The following SUMF1 variants were observed in gnomAD, a reference collection of about 807,000 sequenced individuals.
SUMF1 encodes the protein sulfatase modifying factor 1.
A neutral mutation model predicts 47.6 loss-of-function variants in SUMF1; 48 were observed. The observed-to-expected ratio is 1.01, with a 90% CI of 0.80 to 1.28. The LOEUF is 1.28. Among genes scored for constraint, SUMF1 ranks in the 50% most tolerant of loss-of-function variants. The pLI, the probability that SUMF1 is intolerant of heterozygous loss-of-function variation, is 0.00. For missense variants in SUMF1, 571 were observed against 485.4 expected (o/e 1.18, Z -1.66); for synonymous variants, 230 against 192.1 (o/e 1.20, Z -1.63).
chr3:4,266,893 C>G (rs1352428123), intron 8 of SUMF1, among the ~76,000 whole-genome samples: 7 of 148,926 alleles, frequency 4.7e-5, no homozygotes, highest in Admixed American at 4.7e-4. Context: ...TTTTGAGATA[C>G]GTCCCATCAA....
At chr3:4,231,391 ATAATAC>A (rs1485195118) in intron 8 of SUMF1, among the ~76,000 whole-genome samples, 1 of 152,158 alleles carries the variant, frequency 6.6e-6, no homozygotes, top group Non-Finnish European at 1.5e-5. Flanking sequence ...CCTGCAGAAG[ATAATAC>A]AGAGAACTTT....
At chr3:4,374,478 G>C (rs1040472086) in intron 8 of SUMF1, among the ~76,000 whole-genome samples, 1 of 152,172 alleles carries the variant, frequency 6.6e-6, no homozygotes, top group African/African-American at 2.4e-5. Flanking sequence ...TATAAAACAT[G>C]AAAGTAGATA....
chr3:4,450,597 T>G (rs748454120), intron 2 of SUMF1, among the ~76,000 whole-genome samples: 35 of 152,270 alleles, frequency 2.3e-4, no homozygotes, highest in Non-Finnish European at 4.6e-4. Flanking sequence ...CAATATCAGA[T>G]AGCCATGGCC....
In SUMF1 at chr3:4,051,775, A is replaced by G. The variant is rs115496098; in HGVS notation, c.1191+16794T>C. On this transcript the variant is annotated intron_variant and NMD_transcript_variant, in intron 9 of 12. Transcript: ENST00000448413. Reference sequence around the variant, plus strand: ...TCTTCTCTCCTTTTCATGCCACTGGATCATAAGAATGTAGACTGGTTTGCA... The same window carrying G: ...TCTTCTCTCCTTTTCATGCCACTGGGTCATAAGAATGTAGACTGGTTTGCA... Among the ~76,000 whole-genome samples the G allele has an allele frequency of 3.9e-3, 594 of 152,248 alleles. 6 individuals carry two copies. The highest frequency in any genetic ancestry group is 0.013 in the African/African-American group (539 of 41,554).
chr3:4,243,089 C>G (rs1419440108), intron 8 of SUMF1, among the ~76,000 whole-genome samples: 3 of 152,120 alleles, frequency 2.0e-5, no homozygotes, highest in African/African-American at 7.2e-5. Flanking sequence ...GTTTGTATTT[C>G]TGTGGGATTG....
At chr3:4,070,156 C>T (rs2125035277) in intron 8 of SUMF1, among the ~76,000 whole-genome samples, 1 of 152,220 alleles carries the variant, frequency 6.6e-6, no homozygotes, top group Non-Finnish European at 1.5e-5. Context: ...CTGGGAGCTC[C>T]CACTTTGAGT....
chr3:4,151,854 G>T (rs1694344494), intron 8 of SUMF1, among the ~76,000 whole-genome samples: 1 of 151,478 alleles, frequency 6.6e-6, no homozygotes, highest in African/African-American at 2.5e-5. Context: ...ACTGGGACAG[G>T]TACGACAACT....
intron 8 of SUMF1, among the ~76,000 whole-genome samples, chr3:4,341,250 G>T (rs955172395): frequency 6.6e-6 from 1 of 151,356 alleles, no homozygotes; most frequent in Non-Finnish European, 1.5e-5. Flanking sequence ...AAAAGAAAAA[G>T]AAAAATAGGA....
chr3:4,240,648 C>A (rs988434854), intron 8 of SUMF1, among the ~76,000 whole-genome samples: 14 of 151,710 alleles, frequency 9.2e-5, no homozygotes, highest in Non-Finnish European at 1.8e-4. Context: ...TATAAGCAAC[C>A]CAAGTATCAA....
rs1005307162 is a variant in SUMF1 at position 4,217,763 on chromosome 3, T to A, written c.1015-149018A>T. On this transcript the variant is annotated intron_variant and NMD_transcript_variant, in intron 8 of 12. Coordinates refer to the SUMF1 transcript ENST00000448413. ...ACAAAATTTCTTAGCTATTTTTTTT[T>A]AAAACACAAGAAAAGAATAAGATAT... Among the ~76,000 whole-genome samples, 18 of 144,730 alleles carry A rather than the reference T, an allele frequency of 1.2e-4. No homozygotes were observed. In the East Asian group the frequency reaches 1.4e-3, roughly 11 times the overall value. 94.9% of individuals were successfully genotyped at this position (144,730 alleles called of 152,430 possible).
intron 1 of SUMF1, among the ~76,000 whole-genome samples, chr3:4,460,452 C>G (rs2079780446): frequency 1.3e-5 from 2 of 151,924 alleles, no homozygotes; most frequent in Non-Finnish European, 2.9e-5. Flanking sequence ...GAGCTCATCT[C>G]TCACACTCTC....
chr3:4,063,016 C>T (rs2125028597), intron 9 of SUMF1, among the ~76,000 whole-genome samples: 1 of 152,112 alleles, frequency 6.6e-6, no homozygotes, highest in Admixed American at 6.5e-5. Context: ...ATGAATAGTC[C>T]TCCCAGGAAA....
intron 8 of SUMF1, among the ~76,000 whole-genome samples, chr3:4,290,292 T>TA (rs1437935651): frequency 6.7e-6 from 1 of 148,272 alleles, no homozygotes. Flanking sequence ...AATGTGAGTC[T>TA]AAACAAATCA....
chr3:4,254,239 A>G (rs922846006), intron 8 of SUMF1, among the ~76,000 whole-genome samples: 4 of 152,088 alleles, frequency 2.6e-5, no homozygotes, highest in Admixed American at 2.0e-4. Context: ...GTTCCTCAAC[A>G]GCAACGGAAC....
chr3:4,102,374 C>T (rs529231262), intron 8 of SUMF1, among the ~76,000 whole-genome samples: 25 of 152,170 alleles, frequency 1.6e-4, no homozygotes, highest in African/African-American at 3.9e-4. Flanking sequence ...CCCTTATTAA[C>T]AAGAACATAA....
chr3:4,214,234 T>G (rs1038163499), intron 8 of SUMF1, among the ~76,000 whole-genome samples: 1 of 152,102 alleles, frequency 6.6e-6, no homozygotes, highest in African/African-American at 2.4e-5. Flanking sequence ...GCAATCACAT[T>G]AGAACTCAGG....
intron 3 of SUMF1, among the ~76,000 whole-genome samples, chr3:4,437,829 C>T (rs1426076897): frequency 8.5e-5 from 13 of 152,200 alleles, no homozygotes. Flanking sequence ...ATTCTAGCTA[C>T]TTGGGAGACT....
chr3:4,295,764 A>G (rs1451528451), intron 8 of SUMF1, among the ~76,000 whole-genome samples: 1 of 152,204 alleles, frequency 6.6e-6, no homozygotes, highest in African/African-American at 2.4e-5. Flanking sequence ...ATTTGACTTC[A>G]TAACATTTTG....
intron 8 of SUMF1, among the ~76,000 whole-genome samples, chr3:4,142,977 A>G (rs1694105576): frequency 1.3e-5 from 2 of 152,088 alleles, no homozygotes; most frequent in South Asian, 4.1e-4. Context: ...TAGAAATGTG[A>G]AAGCAGTCAC....
Sources: allele counts gnomAD v4.1 joint callset (sites outside exome capture counted in the v4.1 genomes callset), GRCh38; gene constraint gnomAD v4.1.1; transcripts MANE v1.5; gene names NCBI Gene and HGNC (gene_info 2026-07-23, HGNC 2026-07-21).